TTC28: variants seen among roughly 807,000 people sequenced by gnomAD.
The protein encoded by TTC28 is tetratricopeptide repeat protein 28.
In TTC28, 61 loss-of-function variants were observed where a neutral mutation model predicts 198.0. The observed-to-expected ratio is 0.31, with a 90% confidence interval of 0.25 to 0.38. TTC28 has a LOEUF of 0.38. Among genes scored for constraint, TTC28 ranks in the 10% least tolerant of loss-of-function variants. TTC28 has a pLI of 1.00. For synonymous variants in TTC28, 1,171 were observed against 1,297.8 expected (o/e 0.90, Z 2.10); for missense variants, 2,678 against 3,164.0 (o/e 0.85, Z 3.69).
chr22:28,501,756 T>C (rs953019470), intron 2 of TTC28, among the ~76,000 whole-genome samples: 3 of 152,224 alleles, frequency 2.0e-5, no homozygotes, highest in Admixed American at 6.5e-5. Context: ...AACATTCACA[T>C]TTTCATGATA....
At position 28,107,751 on chromosome 22, in the gene TTC28, C is replaced by T; in HGVS notation, c.2094G>A (p.Lys698=). 6.4e-7 allele frequency: 1 copy of T among 1,551,966 alleles called. No homozygotes were observed. The highest frequency in any genetic ancestry group is 8.7e-7 in the Non-Finnish European group (1 of 1,147,056). Residue 698 remains lysine (K), a synonymous_variant, in exon 7 of 23, where the codon AAG becomes AAA. Coordinates refer to ENST00000397906, the MANE Select transcript of TTC28 (RefSeq NM_001145418.2). ...LNFSKAEECQ[K]YLLSLAQSLN... is the part of the protein sequence containing the mutation. ...GAGACTGGGCTAGGGACAGTAGGTA[C>T]TTCTGACACTCTTCAGCTTTACTGA...
At chr22:28,080,036 TTC>T (rs1941291306) in intron 12 of TTC28, among the ~76,000 whole-genome samples, 1 of 152,198 alleles carries the variant, frequency 6.6e-6, no homozygotes, top group South Asian at 2.1e-4. Flanking sequence ...GCTGATTTTC[TTC>T]TTTTTTAAGG....
intron 5 of TTC28, among the ~76,000 whole-genome samples, chr22:28,198,520 TTAAAA>T (rs1925592357): frequency 1.3e-5 from 2 of 152,138 alleles, no homozygotes; most frequent in South Asian, 4.1e-4. Flanking sequence ...AAACATTTAT[TTAAAA>T]TAATATTTTT....
intron 1 of TTC28, among the ~76,000 whole-genome samples, chr22:28,673,369 CA>C (rs550039166): frequency 1.4e-5 from 2 of 147,010 alleles, no homozygotes; most frequent in Admixed American, 6.8e-5. Flanking sequence ...GACTCCGTCT[CA>C]AAAAAAAAAG....
chr22:28,253,010 CTA>C (rs1930638730), intron 5 of TTC28, among the ~76,000 whole-genome samples: 1 of 151,936 alleles, frequency 6.6e-6, no homozygotes, highest in African/African-American at 2.4e-5. Context: ...TTAAAGATAC[CTA>C]TAGAAAGGTT....
chr22:28,098,210 A>C (rs1287426912), intron 10 of TTC28, among the ~76,000 whole-genome samples: 2 of 152,214 alleles, frequency 1.3e-5, no homozygotes, highest in Admixed American at 6.5e-5. Flanking sequence ...AGGCAGACCC[A>C]GGTGGCAGAA....
intron 2 of TTC28, among the ~76,000 whole-genome samples, chr22:28,466,265 G>GA (rs1361111211): frequency 6.6e-6 from 1 of 152,182 alleles, no homozygotes; most frequent in Non-Finnish European, 1.5e-5. Context: ...ATCCACTAGA[G>GA]AAATGCCAGA....
intron 9 of TTC28, among the ~76,000 whole-genome samples, chr22:28,099,361 A>G (rs537747295): frequency 1.3e-5 from 2 of 152,312 alleles, no homozygotes; most frequent in Admixed American, 1.3e-4. Flanking sequence ...CAGAGCCACT[A>G]TTGTCTTTAA....
intron 1 of TTC28, among the ~76,000 whole-genome samples, chr22:28,640,515 C>A (rs1319166135): frequency 6.6e-6 from 1 of 151,292 alleles, no homozygotes; most frequent in Non-Finnish European, 1.5e-5. Flanking sequence ...TCATTCAACT[C>A]CAAGATACCA....
chr22:28,001,686 A>G, intron 14 of TTC28, 133 bp from the exon 15 acceptor site: 1 of 1,063,174 alleles, frequency 9.4e-7, no homozygotes, highest in Non-Finnish European at 1.3e-6. Context: ...GTGGGGCGCC[A>G]TGGGGCATGG....
At chr22:28,375,232 A>G (rs751844362) in intron 2 of TTC28, among the ~76,000 whole-genome samples, 3 of 152,342 alleles carry the variant, frequency 2.0e-5, no homozygotes, top group Non-Finnish European at 4.4e-5. Context: ...AGTAAAGTTA[A>G]TAATTACTAC....
At chr22:28,453,034 C>T (rs1275449506) in intron 2 of TTC28, among the ~76,000 whole-genome samples, 2 of 152,166 alleles carry the variant, frequency 1.3e-5, no homozygotes, top group Non-Finnish European at 2.9e-5. Flanking sequence ...ACAGTGATGA[C>T]TCAAGTTCTG....
At chr22:28,103,079 C>T (rs1942200435) in intron 8 of TTC28, among the ~76,000 whole-genome samples, 1 of 152,192 alleles carries the variant, frequency 6.6e-6, no homozygotes, top group Non-Finnish European at 1.5e-5. Flanking sequence ...TTTGTTCCTG[C>T]TATATCCTCA....
At position 27,998,521 on chromosome 22, in the gene TTC28, C is replaced by G. The variant is rs1045950735; in HGVS notation, c.5119+19G>C. On this transcript the variant is annotated intron_variant, in intron 16 of 22. Coordinates refer to ENST00000397906, the MANE Select transcript of TTC28 (RefSeq NM_001145418.2). ...AGCCCCAGGCCTTGACAGGCACCCG[C>G]AGCCAGCCGAACTCCCACCTGCCCA... 9 of 1,539,836 alleles carry G rather than the reference C, an allele frequency of 5.8e-6. No homozygotes were observed. In the East Asian group the frequency reaches 1.2e-4, roughly 21 times the overall value.
chr22:28,144,351 T>C (rs1363684341), intron 6 of TTC28, among the ~76,000 whole-genome samples: 1 of 152,252 alleles, frequency 6.6e-6, no homozygotes, highest in Non-Finnish European at 1.5e-5. Context: ...ACCATGGCTT[T>C]ACCAGGCTTA....
intron 12 of TTC28, among the ~76,000 whole-genome samples, chr22:28,053,313 T>C (rs1453284214): frequency 6.6e-6 from 1 of 152,246 alleles, no homozygotes; most frequent in Non-Finnish European, 1.5e-5. Context: ...TGGTGGTTTA[T>C]GTATTTTTTT....
At chr22:28,468,586 A>T (rs2146294446) in intron 2 of TTC28, among the ~76,000 whole-genome samples, 1 of 151,942 alleles carries the variant, frequency 6.6e-6, no homozygotes, top group African/African-American at 2.4e-5. Flanking sequence ...GCACACTGCA[A>T]GCTGTTGGCC....
chr22:28,127,894 A>AT (rs35611269), intron 6 of TTC28, among the ~76,000 whole-genome samples: 68,312 of 137,616 alleles, frequency 0.5, 17,076 homozygotes, highest in African/African-American at 0.61. Flanking sequence ...TGCCTGGCTA[A>AT]TTTTTTTTTT....
chr22:27,998,972 C>T lies in TTC28; in HGVS notation c.4687G>A (p.Asp1563Asn), dbSNP rs1317933976. Residue 1563 changes from aspartate (D) to asparagine (N), a missense_variant, in exon 16 of 23, where the codon GAC becomes AAC. Asp to Asn is a conservative substitution (Grantham distance 23). This residue lies in a region of TTC28 where 727 missense variants were observed against 861.9 expected (regional missense o/e 0.84). Transcript: ENST00000397906. ...LSALVLTPSM[D>N]GNPASSKSSF... Reference sequence around the variant, plus strand: ...CTCTTGCTGCTGGCAGGGTTGCCGTCCATGCTGGGCGTGAGGACCAAGGCC... The same window carrying T: ...CTCTTGCTGCTGGCAGGGTTGCCGTTCATGCTGGGCGTGAGGACCAAGGCC... 1.7e-5 allele frequency: 27 copies of T among 1,550,552 alleles called. No individual in the cohort carries two copies. The Admixed American group carries it at 3.7e-4, about 21-fold the overall frequency.
Sources: allele counts gnomAD v4.1 joint callset (sites outside exome capture counted in the v4.1 genomes callset), GRCh38; gene constraint gnomAD v4.1.1; regional missense constraint gnomAD v4.1.1; transcripts MANE v1.5; gene names NCBI Gene and HGNC (gene_info 2026-07-23, HGNC 2026-07-21).